Variants in FLVCR2 observed in about 807,000 individuals in gnomAD.
FLVCR2 encodes the protein FLVCR choline and putative heme transporter 2.
FLVCR2 carries 38 observed loss-of-function variants against 48.9 expected under a neutral mutation model. That is an observed-to-expected ratio of 0.78 (90% CI 0.60 to 1.02). The LOEUF is 1.02. Ranked by LOEUF, FLVCR2 falls within the 50% of genes least tolerant of loss-of-function variation. The pLI, the probability that FLVCR2 is intolerant of heterozygous loss-of-function variation, is 0.00. For missense variants in FLVCR2, 664 were observed against 663.3 expected, an observed-to-expected ratio of 1.00 and a Z score of -0.01; for synonymous variants, 255 against 257.0, an observed-to-expected ratio of 0.99 and a Z score of 0.07.
chr14:75,621,285 G>A (rs771416742), intron 1 of FLVCR2, among the ~76,000 whole-genome samples: 4 of 152,064 alleles, frequency 2.6e-5, no homozygotes, highest in Non-Finnish European at 5.9e-5. Context: ...GCGCACGCCT[G>A]TAGTTCCAGT....
intron 1 of FLVCR2, chr14:75,605,723 G>A: frequency 8.6e-7 from 1 of 1,165,346 alleles, no homozygotes; most frequent in Non-Finnish European, 1.2e-6. Flanking sequence ...CCCTCCGATT[G>A]CTTCTCCAGA....
chr14:75,616,350 T>A (rs886376857), intron 1 of FLVCR2, among the ~76,000 whole-genome samples: 40 of 151,862 alleles, frequency 2.6e-4, no homozygotes, highest in African/African-American at 6.3e-4. Flanking sequence ...TTTTTTAATT[T>A]AAAAAATAAA....
intron 1 of FLVCR2, among the ~76,000 whole-genome samples, chr14:75,610,203 T>A (rs1366189646): frequency 6.6e-6 from 1 of 152,122 alleles, no homozygotes; most frequent in Non-Finnish European, 1.5e-5. Flanking sequence ...TAGAGGGACA[T>A]TAATGTATTG....
At chr14:75,634,795 T>G in intron 4 of FLVCR2, 115 bp from the exon 5 acceptor site, 1 of 719,980 alleles carries the variant, frequency 1.4e-6, no homozygotes, top group South Asian at 1.5e-5. Context: ...GTTCTGAATA[T>G]TGACTCTGAT....
At chr14:75,635,091 A>C (rs754504793) in intron 5 of FLVCR2, 78 bp downstream of exon 5, 18 of 962,406 alleles carry the variant, frequency 1.9e-5, no homozygotes, top group Non-Finnish European at 3.0e-5. Flanking sequence ...GTGTGACTCC[A>C]AGTCATTGTT....
At chr14:75,624,340 G>A (rs550165824) in intron 2 of FLVCR2, among the ~76,000 whole-genome samples, 75 of 151,392 alleles carry the variant, frequency 5.0e-4, no homozygotes, top group Non-Finnish European at 1.0e-3. Flanking sequence ...GTGACAGAGC[G>A]AGACTCCGTC....
intron 1 of FLVCR2, among the ~76,000 whole-genome samples, chr14:75,614,266 A>G (rs1446777266): frequency 6.6e-6 from 1 of 152,228 alleles, no homozygotes; most frequent in Non-Finnish European, 1.5e-5. Context: ...TTAAATTTCC[A>G]ACCACATCTT....
chr14:75,618,023 G>T (rs766005023), intron 1 of FLVCR2, among the ~76,000 whole-genome samples: 3 of 152,174 alleles, frequency 2.0e-5, no homozygotes, highest in Non-Finnish European at 1.5e-5. Flanking sequence ...AAGTCCTGAG[G>T]AACAAGCTGG....
chr14:75,624,659 A>C lies in FLVCR2; in HGVS notation c.859A>C (p.Ser287Arg). 4 of 1,614,082 alleles carry C rather than the reference A, an allele frequency of 2.5e-6. No homozygotes were observed. Among genetic ancestry groups the C allele is most frequent in the Non-Finnish European group, 2.5e-6 (3 of 1,180,024 alleles). ...TCCCCCCAGCAGGGCCCAATCCCTG[A>C]GCTATGCCTTGACCTCTCCTGATGC... The part of the protein sequence containing the change: ...KYPPSRAQSL[S>R]YALTSPDASY... The change falls in exon 3 of 10, where the codon AGC (serine) becomes CGC (arginine). Residue 287 changes from serine to arginine, a missense_variant. Transcript: ENST00000238667.
intron 6 of FLVCR2, among the ~76,000 whole-genome samples, chr14:75,640,219 A>G (rs929382261): frequency 6.8e-6 from 1 of 148,144 alleles, no homozygotes; most frequent in Non-Finnish European, 1.5e-5. Context: ...AGATCGAACT[A>G]CTGCACTCCA....
intron 1 of FLVCR2, among the ~76,000 whole-genome samples, chr14:75,598,136 C>T (rs1348574517): frequency 6.6e-6 from 1 of 152,026 alleles, no homozygotes; most frequent in African/African-American, 2.4e-5. Context: ...TGAGCCACTG[C>T]ACCCAGCTGG....
At chr14:75,617,626 T>C (rs1889649895) in intron 1 of FLVCR2, among the ~76,000 whole-genome samples, 1 of 152,130 alleles carries the variant, frequency 6.6e-6, no homozygotes. Context: ...ATCTGTAAAA[T>C]TGGGACGATG....
intron 8 of FLVCR2, among the ~76,000 whole-genome samples, 168 bp from the exon 9 acceptor site, chr14:75,641,675 C>G (rs1890310822): frequency 6.6e-6 from 1 of 152,168 alleles, no homozygotes; most frequent in African/African-American, 2.4e-5. Context: ...CGGCAGTGAT[C>G]CTCGGGCTCT....
At chr14:75,625,020 A>G (rs1889863434) in intron 3 of FLVCR2, among the ~76,000 whole-genome samples, 1 of 151,968 alleles carries the variant, frequency 6.6e-6, no homozygotes, top group South Asian at 2.1e-4. Flanking sequence ...GTAAAGCAGT[A>G]GTAGGTAACT....
chr14:75,628,510 A>G (rs1270354539), intron 3 of FLVCR2, among the ~76,000 whole-genome samples: 1 of 152,218 alleles, frequency 6.6e-6, no homozygotes, highest in East Asian at 1.9e-4. Flanking sequence ...CATACTTTTT[A>G]CATTGTACAC....
chr14:75,609,627 G>A (rs1470718100), intron 1 of FLVCR2, among the ~76,000 whole-genome samples: 1 of 152,148 alleles, frequency 6.6e-6, no homozygotes, highest in Non-Finnish European at 1.5e-5. Context: ...ACTGGGTTTT[G>A]CCCATGGCAG....
intron 1 of FLVCR2, among the ~76,000 whole-genome samples, chr14:75,600,828 A>G (rs1649653041): frequency 6.6e-6 from 1 of 152,140 alleles, no homozygotes; most frequent in African/African-American, 2.4e-5. Flanking sequence ...TATATCTGAT[A>G]AGGAATTAAT....
At chr14:75,588,016 T>A (rs1168530206) in intron 1 of FLVCR2, among the ~76,000 whole-genome samples, 1 of 152,232 alleles carries the variant, frequency 6.6e-6, no homozygotes, top group Non-Finnish European at 1.5e-5. Flanking sequence ...CACTGTCCAA[T>A]AGAAATATAA....
rs952481324 is a variant in FLVCR2 at position 75,605,528 on chromosome 14, G to A, written c.670-16551G>A. On this transcript the variant is annotated intron_variant, in intron 1 of 9. Transcript: ENST00000238667. ...CATGCTGTGCAAAAACTTGAGCTCA[G>A]CCTCTCACCCCAACACAATTCAAGA... 7.2e-6 allele frequency: 11 copies of A among 1,534,348 alleles called. No homozygotes were observed. In the Admixed American group the frequency reaches 2.2e-4, roughly 30 times the overall value.
Sources: allele counts gnomAD v4.1 joint callset (sites outside exome capture counted in the v4.1 genomes callset), GRCh38; gene constraint gnomAD v4.1.1; transcripts MANE v1.5; gene names NCBI Gene and HGNC (gene_info 2026-07-23, HGNC 2026-07-21).